The following OFD1 variants were observed in gnomAD, a reference collection of about 807,000 sequenced individuals.
OFD1 encodes the protein OFD1 centriole and centriolar satellite protein.
OFD1 carries 12 observed loss-of-function variants against 81.4 expected under a neutral mutation model. That is an observed-to-expected ratio of 0.15 (90% confidence interval 0.09 to 0.24). The LOEUF (loss-of-function observed/expected upper bound fraction) is 0.24. OFD1 is among the 10% of genes least tolerant of loss of function. The pLI, the probability that OFD1 is intolerant of heterozygous loss-of-function variation, is 1.00. For missense variants in OFD1, 685 were observed against 733.9 expected (o/e 0.93, Z 0.77); for synonymous variants, 256 against 263.7 (o/e 0.97, Z 0.28).
intron 2 of OFD1, chrX:13,736,230 C>T: frequency 1.0e-6 from 1 of 970,189 alleles, no homozygotes. Context: ...GGCTAACCAC[C>T]CGTTTCATTT....
intron 9 of OFD1, among the ~76,000 whole-genome samples, chrX:13,750,398 C>T (rs1343587542): frequency 9.0e-6 from 1 of 111,563 alleles, no homozygotes; most frequent in African/African-American, 3.3e-5. Context: ...GCAGAGGGAG[C>T]TAATACCTAG....
the OFD1 span, among the ~76,000 whole-genome samples, chrX:13,726,602 G>A: frequency 8.9e-6 from 1 of 111,826 alleles, no homozygotes; most frequent in Non-Finnish European, 1.9e-5. Context: ...GCTCCTGAAG[G>A]AAGCACTAAA....
At chrX:13,747,543 C>T (rs910660644) in intron 8 of OFD1, among the ~76,000 whole-genome samples, 1 of 111,810 alleles carries the variant, frequency 8.9e-6, no homozygotes, top group Non-Finnish European at 1.9e-5. Flanking sequence ...ATCGAAGATT[C>T]TGGGGCTCTC....
chrX:13,757,293 A>T (rs2047746157), intron 13 of OFD1, among the ~76,000 whole-genome samples: 1 of 112,042 alleles, frequency 8.9e-6, no homozygotes, highest in African/African-American at 3.3e-5. Context: ...TGCTGCTGTC[A>T]GATGCCCAGA....
chrX:13,760,099 T>A lies in OFD1; in HGVS notation c.1655-16T>A, dbSNP rs748735706. 4 of 1,211,819 alleles carry A rather than the reference T, an allele frequency of 3.3e-6. No homozygotes were observed. In the East Asian group the frequency reaches 1.2e-4, roughly 36 times the overall value. ...TTGTCCACTTACTTCTGAAATTGGCTTTTTGTACCCTGCAGCCCTAGAGAA... is the reference window on the plus strand; with the variant it reads ...TTGTCCACTTACTTCTGAAATTGGCATTTTGTACCCTGCAGCCCTAGAGAA... On this transcript the variant is annotated splice_polypyrimidine_tract_variant and intron_variant, in intron 15 of 22. Transcript: ENST00000340096.
chrX:13,768,263 A>C, intron 21 of OFD1, 39 bp downstream of exon 21: 1 of 1,038,700 alleles, frequency 9.6e-7, no homozygotes, highest in Non-Finnish European at 1.4e-6. Flanking sequence ...TGGGTGGGGG[A>C]CATCCAGGGC....
intron 19 of OFD1, among the ~76,000 whole-genome samples, chrX:13,764,840 G>A (rs1052719223): frequency 5.4e-5 from 6 of 111,391 alleles, no homozygotes; most frequent in Non-Finnish European, 7.5e-5. Context: ...TTTGCTCAGC[G>A]CTGAGCATAT....
At chrX:13,743,577 A>G (rs977058716) in intron 5 of OFD1, among the ~76,000 whole-genome samples, 1 of 112,167 alleles carries the variant, frequency 8.9e-6, no homozygotes, top group Admixed American at 9.4e-5. Flanking sequence ...CTATATATCC[A>G]CTCCCTTGCC....
chrX:13,767,248 G>A lies in OFD1; in HGVS notation c.2721G>A (p.Arg907=). The change falls in exon 20 of 23, where the codon AGG becomes AGA. Residue 907 remains arginine (R), a synonymous_variant. Coordinates refer to ENST00000340096, the MANE Select transcript of OFD1 (RefSeq NM_003611.3). The part of the protein sequence containing the change: ...RQSNLQEVLE[R]ERRELEKLYQ... ...GTAACCTACAAGAAGTTTTAGAAAGGGAACGAAGAGAACTAGAAAAACTGT... is the reference window on the plus strand; with the variant it reads ...GTAACCTACAAGAAGTTTTAGAAAGAGAACGAAGAGAACTAGAAAAACTGT... 8.3e-7 allele frequency: 1 copy of A among 1,211,168 alleles called. No individual in the cohort carries two copies. Among genetic ancestry groups the A allele is most frequent in the Non-Finnish European group, 1.1e-6 (1 of 894,942 alleles).
chrX:13,770,582 C>T (rs1452574451), downstream of OFD1, among the ~76,000 whole-genome samples: 2 of 111,959 alleles, frequency 1.8e-5, no homozygotes, highest in Non-Finnish European at 3.8e-5. Context: ...GACTTTTGTA[C>T]CTTTGGTTTG....
intron 3 of OFD1, among the ~76,000 whole-genome samples, chrX:13,737,249 CTTG>C (rs897995696): frequency 8.7e-5 from 9 of 103,612 alleles, no homozygotes; most frequent in South Asian, 8.1e-4. Flanking sequence ...ATTAAAAACA[CTTG>C]TTTTTTTTTT....
intron 15 of OFD1, among the ~76,000 whole-genome samples, chrX:13,759,450 T>C (rs2047842630): frequency 8.9e-6 from 1 of 112,117 alleles, no homozygotes; most frequent in African/African-American, 3.2e-5. Context: ...CGGGGAGGCA[T>C]TGCAGGAGAG....
At chrX:13,719,846 C>T in the OFD1 span, 56 of 1,046,952 alleles carry the variant, frequency 5.3e-5, no homozygotes, top group Non-Finnish European at 7.1e-5. Context: ...CATATCATTA[C>T]AATAGCATAA....
In OFD1 at chrX:13,746,307, A is replaced by G. The variant is rs1186091600; in HGVS notation, c.518-12A>G. The G allele has an allele frequency of 3.3e-6, 4 of 1,203,716 alleles. No homozygotes were observed. In the African/African-American group the frequency reaches 5.2e-5, roughly 16 times the overall value. ...TTTCTATGTCCTAATTTGATGTGTTATTTTTTAATAGCTGAGAAGCTTCAG... is the reference window on the plus strand; with the variant it reads ...TTTCTATGTCCTAATTTGATGTGTTGTTTTTTAATAGCTGAGAAGCTTCAG... On this transcript the variant is annotated splice_polypyrimidine_tract_variant and intron_variant, in intron 6 of 22. Coordinates refer to ENST00000340096, the MANE Select transcript of OFD1 (RefSeq NM_003611.3).
the OFD1 span, among the ~76,000 whole-genome samples, chrX:13,727,088 A>C: frequency 1.1e-3 from 123 of 112,284 alleles, no homozygotes; most frequent in East Asian, 0.019. Flanking sequence ...CCAATACAGG[A>C]GCACCTAGAT....
rs187226607 is a variant in OFD1, at chrX:13,765,576, T to C, written c.2600-1551T>C. 7.2e-5 allele frequency among the ~76,000 whole-genome samples: 8 copies of C among 111,174 alleles called. No homozygotes were observed. In the East Asian group the frequency reaches 2.3e-3, roughly 31 times the overall value. On this transcript the variant is annotated intron_variant, in intron 19 of 22. Coordinates refer to ENST00000340096, the MANE Select transcript of OFD1 (RefSeq NM_003611.3). ...CTTCTCTCCTATTAGTAAAACTCAG[T>C]TCCTGCTGATCACTTTAGAACAAGG... is the stretch of plus-strand genomic sequence containing the variant.
upstream of OFD1, among the ~76,000 whole-genome samples, chrX:13,733,447 G>A (rs969967308): frequency 1.8e-5 from 2 of 111,468 alleles, no homozygotes; most frequent in African/African-American, 3.3e-5. Context: ...CCTTTATTCT[G>A]TCTGCAACCA....
At chrX:13,721,528 C>T in the OFD1 span, 1 of 112,117 alleles carries the variant, frequency 8.9e-6, no homozygotes, top group African/African-American at 3.2e-5. Context: ...TCTCCTAGAA[C>T]ATACATCTGA....
the OFD1 span, among the ~76,000 whole-genome samples, chrX:13,719,266 T>G: frequency 2.7e-5 from 3 of 110,618 alleles, no homozygotes; most frequent in Non-Finnish European, 5.7e-5. Flanking sequence ...AAAAATACTC[T>G]ATGGGTCTGA....
Sources: allele counts gnomAD v4.1 joint callset (sites outside exome capture counted in the v4.1 genomes callset), GRCh38; gene constraint gnomAD v4.1.1; transcripts MANE v1.5; gene names NCBI Gene and HGNC (gene_info 2026-07-23, HGNC 2026-07-21).